Variants in OR2L13 observed in about 807,000 individuals in gnomAD.
OR2L13 encodes olfactory receptor 2L13.
OR2L13 carries 14 observed loss-of-function variants against 15.3 expected under a neutral mutation model. The ratio of observed to expected loss-of-function variants is 0.91; its 90% CI spans 0.60 to 1.43. The LOEUF (loss-of-function observed/expected upper bound fraction) is 1.43. OR2L13 is among the 40% of genes most tolerant of loss of function. The pLI is 0.00. For missense variants in OR2L13, 367 were observed against 387.9 expected, an observed-to-expected ratio of 0.95 and a Z score of 0.45; for synonymous variants, 152 against 142.9, an observed-to-expected ratio of 1.06 and a Z score of -0.45.
chr1:248,099,646 A>G, exon 3 of OR2L13: 1 of 1,614,058 alleles, frequency 6.2e-7, no homozygotes, highest in South Asian at 1.1e-5. Context: ...CCAGAAAGGC[A>G]TCTCCTTCCT....
At chr1:248,033,231 G>T in the OR2L13 span, among the ~76,000 whole-genome samples, 379 of 152,108 alleles carry the variant, frequency 2.5e-3, 2 homozygotes, top group African/African-American at 8.3e-3. Context: ...TTAGGTCTTT[G>T]ATTTATTTTG....
At chr1:247,996,824 T>C in the OR2L13 span, among the ~76,000 whole-genome samples, 1 of 152,190 alleles carries the variant, frequency 6.6e-6, no homozygotes, top group East Asian at 1.9e-4. Flanking sequence ...GCACCTACTA[T>C]TATGTTAATA....
the OR2L13 span, among the ~76,000 whole-genome samples, chr1:248,069,726 AC>A: frequency 6.6e-6 from 1 of 152,264 alleles, no homozygotes; most frequent in Admixed American, 6.5e-5. Context: ...TATTCAGGAA[AC>A]CTATCTCATG....
chr1:248,003,073 T>A, the OR2L13 span: 5 of 868,908 alleles, frequency 5.8e-6, no homozygotes, highest in African/African-American at 1.6e-5. Context: ...CGGATAAGGA[T>A]GAATTTCTGT....
the OR2L13 span, chr1:248,039,817 C>T: frequency 4.6e-5 from 7 of 152,270 alleles, no homozygotes; most frequent in Admixed American, 1.3e-4. Flanking sequence ...TATTTACTCT[C>T]AACTGGTATG....
chr1:247,984,227 G>GTTATTATTATTA, the OR2L13 span, among the ~76,000 whole-genome samples: 1 of 130,058 alleles, frequency 7.7e-6, no homozygotes, highest in Non-Finnish European at 1.6e-5. Context: ...GAGAAAATAA[G>GTTATTATTATTA]TCATTATTAT....
At chr1:248,033,844 C>G in the OR2L13 span, among the ~76,000 whole-genome samples, 3 of 152,114 alleles carry the variant, frequency 2.0e-5, no homozygotes, top group African/African-American at 7.2e-5. Context: ...GATGCTCACT[C>G]TTACCTCTTC....
the OR2L13 span, among the ~76,000 whole-genome samples, chr1:248,049,061 T>C: frequency 1.8e-3 from 269 of 151,912 alleles, no homozygotes; most frequent in African/African-American, 6.4e-3. Flanking sequence ...GTGAGGAAAA[T>C]ATAGGGAGTA....
the OR2L13 span, among the ~76,000 whole-genome samples, chr1:248,018,140 G>T: frequency 5.4e-5 from 8 of 146,988 alleles, no homozygotes; most frequent in African/African-American, 2.1e-4. Context: ...AGGCGACAGA[G>T]CGACTCCATC....
At chr1:247,985,110 T>C in the OR2L13 span, among the ~76,000 whole-genome samples, 1 of 151,188 alleles carries the variant, frequency 6.6e-6, no homozygotes, top group Non-Finnish European at 1.5e-5. Flanking sequence ...TTTTTACTCT[T>C]TTTTTTAATA....
At chr1:247,941,619 C>T in the OR2L13 span, among the ~76,000 whole-genome samples, 2 of 151,536 alleles carry the variant, frequency 1.3e-5, no homozygotes, top group Non-Finnish European at 2.9e-5. Context: ...GGACAGACGC[C>T]GAATGGAGAG....
chr1:248,022,623 C>T, the OR2L13 span: 1,749 of 1,614,092 alleles, frequency 1.1e-3, 33 homozygotes, highest in African/African-American at 0.02. Flanking sequence ...TGCTGTCTAC[C>T]GCATGCACTC....
chr1:248,071,534 A>T, the OR2L13 span, among the ~76,000 whole-genome samples: 1 of 152,084 alleles, frequency 6.6e-6, no homozygotes, highest in African/African-American at 2.4e-5. Flanking sequence ...TGAATGGGCA[A>T]AAACTGGAAG....
At chr1:247,989,048 G>A in the OR2L13 span, among the ~76,000 whole-genome samples, 4 of 152,096 alleles carry the variant, frequency 2.6e-5, no homozygotes, top group Admixed American at 2.0e-4. Flanking sequence ...AAGGTAAAAT[G>A]AACTTGGCAT....
the OR2L13 span, among the ~76,000 whole-genome samples, chr1:247,993,807 G>GAA: frequency 2.2e-3 from 278 of 129,048 alleles, 2 homozygotes; most frequent in African/African-American, 6.8e-3. Flanking sequence ...GAGAGAGAGA[G>GAA]AGAGAAAGAA....
At chr1:248,023,731 C>T in the OR2L13 span, 2 of 152,132 alleles carry the variant, frequency 1.3e-5, no homozygotes, top group Admixed American at 6.5e-5. Flanking sequence ...AAGTTGTCAG[C>T]TTAGGTCCAT....
the OR2L13 span, among the ~76,000 whole-genome samples, chr1:248,025,483 A>G: frequency 2.0e-5 from 3 of 149,258 alleles, no homozygotes; most frequent in Admixed American, 6.6e-5. Flanking sequence ...AAATAGGAAC[A>G]CTTTTACACT....
At chr1:248,033,616 T>G in the OR2L13 span, among the ~76,000 whole-genome samples, 3 of 152,026 alleles carry the variant, frequency 2.0e-5, no homozygotes, top group South Asian at 2.1e-4. Flanking sequence ...TTTGTTTTTT[T>G]TTTTTTGTAC....
At chr1:248,094,859 C>T (rs1325396761), upstream of OR2L13, among the ~76,000 whole-genome samples, 4 of 152,088 alleles carry the variant, frequency 2.6e-5, no homozygotes, top group African/African-American at 9.7e-5. Context: ...TTTTTTAATC[C>T]GGAATTCTCT....
Sources: allele counts gnomAD v4.1 joint callset (sites outside exome capture counted in the v4.1 genomes callset), GRCh38; gene constraint gnomAD v4.1.1; transcripts MANE v1.5; gene names NCBI Gene and HGNC (gene_info 2026-07-23, HGNC 2026-07-21).